The following PDZD2 variants were observed in gnomAD, a reference collection of about 807,000 sequenced individuals.
PDZD2 encodes PDZ domain-containing protein 2.
Under a neutral mutation model 220.7 loss-of-function variants are expected in PDZD2, and 90 were observed. The ratio of observed to expected loss-of-function variants is 0.41; its 90% CI spans 0.34 to 0.49. PDZD2 has a LOEUF of 0.49. Ranked by LOEUF, PDZD2 falls within the 20% of genes least tolerant of loss-of-function variation. The probability of loss-of-function intolerance (pLI) is 0.28; values close to 1 mark genes in which losing one functional copy is unlikely to be tolerated. For synonymous variants in PDZD2, 1,375 were observed against 1,450.5 expected, an observed-to-expected ratio of 0.95 and a Z score of 1.18; for missense variants, 3,174 against 3,608.5, an observed-to-expected ratio of 0.88 and a Z score of 3.08.
intron 1 of PDZD2, among the ~76,000 whole-genome samples, chr5:31,681,707 G>C (rs1426928649): frequency 6.6e-6 from 1 of 152,076 alleles, no homozygotes; most frequent in Non-Finnish European, 1.5e-5. Flanking sequence ...CTTCTCAAAA[G>C]TTAGTTCTTA....
intron 2 of PDZD2, among the ~76,000 whole-genome samples, chr5:31,880,871 G>A (rs976039248): frequency 4.6e-5 from 6 of 131,676 alleles, no homozygotes; most frequent in Admixed American, 3.7e-4. Flanking sequence ...GTGCAATCTC[G>A]GCGCACTGCA....
intron 1 of PDZD2, among the ~76,000 whole-genome samples, chr5:31,780,051 A>G (rs1752966932): frequency 6.6e-6 from 1 of 152,116 alleles, no homozygotes; most frequent in Non-Finnish European, 1.5e-5. Context: ...ACTTTTCCAG[A>G]GTCAATAGTC....
intron 2 of PDZD2, among the ~76,000 whole-genome samples, chr5:31,903,956 T>C (rs1742388382): frequency 6.6e-6 from 1 of 151,994 alleles, no homozygotes; most frequent in Non-Finnish European, 1.5e-5. Flanking sequence ...ACTCCTGACC[T>C]CAGGTGATCT....
chr5:32,092,505 G>A (rs1743259402), intron 20 of PDZD2, among the ~76,000 whole-genome samples: 1 of 152,212 alleles, frequency 6.6e-6, no homozygotes, highest in Non-Finnish European at 1.5e-5. Context: ...CCAGGAGGTA[G>A]AGGTTGCAGT....
intron 24 of PDZD2, among the ~76,000 whole-genome samples, chr5:32,102,809 G>A (rs1744377951): frequency 6.6e-6 from 1 of 152,164 alleles, no homozygotes; most frequent in South Asian, 2.1e-4. Context: ...TGCAAGCTGG[G>A]TGTGGTAGCG....
chr5:31,777,893 T>A (rs146024782), intron 1 of PDZD2, among the ~76,000 whole-genome samples: 3,932 of 152,314 alleles, frequency 0.026, 51 homozygotes, highest in African/African-American at 0.036. Flanking sequence ...ACACTCTGTG[T>A]CTAGCTAAAG....
chr5:32,009,818 G>A (rs1196670093), intron 5 of PDZD2, among the ~76,000 whole-genome samples: 1 of 152,100 alleles, frequency 6.6e-6, no homozygotes, highest in Non-Finnish European at 1.5e-5. Flanking sequence ...AAGGCTGGGT[G>A]TGGTGGCTCA....
At position 31,646,294 on chromosome 5, in the gene PDZD2, G is replaced by C. The variant is rs1440429430; in HGVS notation, c.-361+6857G>C. 2.6e-5 allele frequency among the ~76,000 whole-genome samples: 4 copies of C among 152,038 alleles called. No individual in the cohort carries two copies. Among genetic ancestry groups the C allele is most frequent in the African/African-American group, 4.8e-5 (2 of 41,386 alleles). ...GGGGTAGCCATAATATCTTGGGTTGGTGGGTACAAGTTTGAACACCTAGTA... is the reference window on the plus strand; with the variant it reads ...GGGGTAGCCATAATATCTTGGGTTGCTGGGTACAAGTTTGAACACCTAGTA... On this transcript the variant is annotated intron_variant, in intron 1 of 24. Coordinates refer to ENST00000438447, the MANE Select transcript of PDZD2 (RefSeq NM_178140.4). The surrounding 1 kb of genome is among the most constrained non-coding windows in gnomAD (Gnocchi z 4.7).
intron 6 of PDZD2, among the ~76,000 whole-genome samples, chr5:32,024,905 G>C (rs1581308903): frequency 6.6e-6 from 1 of 152,176 alleles, no homozygotes. Context: ...GGGCATGACT[G>C]TGTTCCAGTA....
At chr5:31,741,848 A>G (rs1164813297) in intron 1 of PDZD2, 1 of 152,210 alleles carries the variant, frequency 6.6e-6, no homozygotes, top group South Asian at 2.1e-4. Context: ...CTTCAAACAC[A>G]TATTCATAAG....
intron 2 of PDZD2, among the ~76,000 whole-genome samples, chr5:31,924,459 ACTT>A (rs570449125): frequency 2.5e-3 from 386 of 152,282 alleles, no homozygotes; most frequent in Non-Finnish European, 4.0e-3. Flanking sequence ...CTGAAGACGC[ACTT>A]CTTCTGAAAA....
chr5:31,655,521 T>C (rs1342065555), intron 1 of PDZD2, among the ~76,000 whole-genome samples: 1 of 150,720 alleles, frequency 6.6e-6, no homozygotes, highest in Non-Finnish European at 1.5e-5. Flanking sequence ...CTTCTCTGCC[T>C]GCTTCTCGCC....
At chr5:31,953,833 G>GGGT (rs1561176646) in intron 2 of PDZD2, among the ~76,000 whole-genome samples, 1 of 152,046 alleles carries the variant, frequency 6.6e-6, no homozygotes, top group Non-Finnish European at 1.5e-5. Flanking sequence ...TGTATTTTTA[G>GGGT]TAGAGATGGG....
rs200152873 is a variant in PDZD2, at chr5:31,840,469, C to CT, written c.476+40756dup. The CT allele has an allele frequency of 4.6e-4, 78 of 168,880 alleles. 2 individuals carry two copies. The highest frequency in any genetic ancestry group is 7.9e-4 in the Admixed American group (9 of 11,364). 10.5% of individuals were successfully genotyped at this position (168,880 alleles called of 1,614,324 possible). ...ATATATTTGTTTATAGTCCAGAGGT[C>CT]TTTTTTTTTTTAACAGTAGCTATTT... On this transcript the variant is annotated intron_variant, in intron 2 of 24. Coordinates refer to ENST00000438447, the MANE Select transcript of PDZD2 (RefSeq NM_178140.4).
At chr5:31,985,090 A>G (rs1561266325) in intron 3 of PDZD2, among the ~76,000 whole-genome samples, 1 of 145,792 alleles carries the variant, frequency 6.9e-6, no homozygotes, top group Admixed American at 7.0e-5. Flanking sequence ...TACTAATTTT[A>G]TAAGTTCCCC....
At chr5:31,768,768 A>C (rs1048347279) in intron 1 of PDZD2, among the ~76,000 whole-genome samples, 10 of 152,072 alleles carry the variant, frequency 6.6e-5, no homozygotes, top group Non-Finnish European at 1.3e-4. Context: ...TCATGATTGC[A>C]CCAGAGATTT....
At position 32,059,221 on chromosome 5, in the gene PDZD2, G is replaced by T; in HGVS notation, c.2201-18G>T. 1 of 1,400,068 alleles carries T rather than the reference G, an allele frequency of 7.1e-7. No individual in the cohort carries two copies. The highest frequency in any genetic ancestry group is 1.0e-6 in the Non-Finnish European group (1 of 999,240). 86.7% of individuals were successfully genotyped at this position (1,400,068 alleles called of 1,614,324 possible). A position where few individuals can be genotyped will look rare whatever the true frequency, so the allele number is the denominator to read the frequency against. ...TGTAATTTTTGTTTTTATTTTCTTT[G>T]AATGGTGCCTCTCACAGAGCCAAGA... On this transcript the variant is annotated intron_variant, in intron 12 of 24. Transcript: ENST00000438447.
In PDZD2 at chr5:31,725,494, T is replaced by A. The variant is rs148015792; in HGVS notation, c.-360-73395T>A. ...GTAAATAAAACTATGAGTAAATGAA[T>A]GATCCATGTCTAAAAATGATCATGG... On this transcript the variant is annotated intron_variant, in intron 1 of 24. Coordinates refer to ENST00000438447, the MANE Select transcript of PDZD2 (RefSeq NM_178140.4). 2.1e-4 allele frequency: 258 copies of A among 1,243,544 alleles called. No homozygotes were observed. The African/African-American group carries it at 3.6e-3, about 17-fold the overall frequency. The allele number at this position is 1,243,544 out of a possible 1,614,324, so 77.0% of individuals were successfully genotyped here. A position where few individuals can be genotyped will look rare whatever the true frequency, so the allele number is the denominator to read the frequency against.
intron 3 of PDZD2, among the ~76,000 whole-genome samples, chr5:31,994,232 C>G (rs1751455657): frequency 6.6e-6 from 1 of 151,714 alleles, no homozygotes; most frequent in South Asian, 2.1e-4. Context: ...GTCTTGAACT[C>G]CTGACCTCTG....
Sources: gnomAD v4.1 joint callset for allele counts (sites outside exome capture counted in the v4.1 genomes callset) on GRCh38, gnomAD v4.1.1 for gene constraint, Gnocchi (gnomAD v3.1) non-coding constraint, MANE v1.5 for transcripts, NCBI Gene and HGNC (gene_info 2026-07-23, HGNC 2026-07-21) for gene names.